The following PER3 variants were observed in gnomAD, a reference collection of about 807,000 sequenced individuals.
PER3 encodes period circadian protein homolog 3.
In PER3, 107 loss-of-function variants were observed where a neutral mutation model predicts 127.2. That is an observed-to-expected ratio of 0.84 (90% CI 0.72 to 0.99). The LOEUF (loss-of-function observed/expected upper bound fraction) is 0.99. PER3 is among the 50% of genes least tolerant of loss of function. The pLI is 0.00. For missense variants in PER3, 1,560 were observed against 1,525.8 expected (o/e 1.02, Z -0.37); for synonymous variants, 618 against 585.8 (o/e 1.05, Z -0.79).
At chr1:7,815,090 C>G (rs34556841) in intron 13 of PER3, among the ~76,000 whole-genome samples, 1 of 152,126 alleles carries the variant, frequency 6.6e-6, no homozygotes, top group Non-Finnish European at 1.5e-5. Flanking sequence ...GAGTTCGAGT[C>G]CAGCCTGGGC....
At chr1:7,833,538 A>G (rs1476138137) in intron 19 of PER3, among the ~76,000 whole-genome samples, 3 of 152,140 alleles carry the variant, frequency 2.0e-5, no homozygotes, top group Admixed American at 6.5e-5. Flanking sequence ...GCTTTGTCTG[A>G]TATCAGTGTA....
At chr1:7,828,607 T>C (rs951054880) in intron 18 of PER3, among the ~76,000 whole-genome samples, 1 of 152,220 alleles carries the variant, frequency 6.6e-6, no homozygotes, top group Non-Finnish European at 1.5e-5. Context: ...GTGTGCTTGC[T>C]GAAAATCTAA....
At chr1:7,821,376 A>G (rs1366104757) in intron 16 of PER3, among the ~76,000 whole-genome samples, 4 of 152,152 alleles carry the variant, frequency 2.6e-5, no homozygotes, top group African/African-American at 7.2e-5. Flanking sequence ...CTTTCCAACA[A>G]CCTGTGAGAT....
At chr1:7,799,610 CAAAA>C (rs759699006) in intron 7 of PER3, among the ~76,000 whole-genome samples, 7 of 93,238 alleles carry the variant, frequency 7.5e-5, no homozygotes, top group Middle Eastern at 5.0e-3. Flanking sequence ...AACTCTGTCT[CAAAA>C]AAAAAAAAAA....
Position 7,784,835 on chromosome 1 carries a change from CG to C in PER3, c.-40del. 7.1e-7 allele frequency: 1 copy of C among 1,413,866 alleles called. No individual in the cohort carries two copies. The highest frequency in any genetic ancestry group is 1.7e-5 in the South Asian group (1 of 58,972). The allele number at this position is 1,413,866 out of a possible 1,614,324, so 87.6% of individuals were successfully genotyped here. A position where few individuals can be genotyped will look rare whatever the true frequency, so the allele number is the denominator to read the frequency against. ...TGCAAAGTGAGCGAGAAGCAGGCTGCGGGCCGTCCCAGCACGACGTGGAGCC... is the reference window on the plus strand; with the variant it reads ...TGCAAAGTGAGCGAGAAGCAGGCTGCGGCCGTCCCAGCACGACGTGGAGCC... On this transcript the variant is annotated 5_prime_UTR_variant, in exon 2 of 22. Transcript: ENST00000377532.
chr1:7,811,880 G>A (rs1221765142), intron 13 of PER3, among the ~76,000 whole-genome samples: 5 of 152,108 alleles, frequency 3.3e-5, no homozygotes, highest in Admixed American at 6.5e-5. Context: ...ATAGGAAGTT[G>A]AGCATTCCAT....
intron 13 of PER3, among the ~76,000 whole-genome samples, chr1:7,816,116 AAAG>A (rs201322200): frequency 0.012 from 1,756 of 152,162 alleles, 31 homozygotes; most frequent in African/African-American, 0.04. Flanking sequence ...TATATGGAAA[AAAG>A]AAGAATGGTC....
chr1:7,820,906 G>A (rs917901491), intron 16 of PER3, among the ~76,000 whole-genome samples: 2 of 152,168 alleles, frequency 1.3e-5, no homozygotes, highest in African/African-American at 4.8e-5. Flanking sequence ...TAGTAGGTAG[G>A]TATTAGCCCT....
intron 13 of PER3, among the ~76,000 whole-genome samples, chr1:7,817,421 T>C (rs1354959329): frequency 6.6e-6 from 1 of 152,214 alleles, no homozygotes; most frequent in African/African-American, 2.4e-5. Context: ...TGGAAAACAG[T>C]GCTTCAACTG....
chr1:7,810,701 A>G (rs2097215591), intron 13 of PER3, 113 bp downstream of exon 13: 3 of 991,200 alleles, frequency 3.0e-6, no homozygotes, highest in Non-Finnish European at 2.9e-6. Flanking sequence ...GCTGCTTTTC[A>G]TATTTCTTGA....
chr1:7,829,703 T>G, intron 18 of PER3, 131 bp from the exon 19 acceptor site: 1 of 697,044 alleles, frequency 1.4e-6, no homozygotes, highest in Non-Finnish European at 2.4e-6. Flanking sequence ...GAATTTTCCA[T>G]TTACTATTTT....
chr1:7,797,647 A>AG (rs1553305239), intron 6 of PER3, among the ~76,000 whole-genome samples: 3 of 152,114 alleles, frequency 2.0e-5, no homozygotes, highest in East Asian at 3.9e-4. Flanking sequence ...AAAAAAAAAA[A>AG]AAAAAGAAAA....
intron 13 of PER3, among the ~76,000 whole-genome samples, chr1:7,811,274 C>T (rs2097217947): frequency 1.3e-5 from 2 of 152,162 alleles, no homozygotes; most frequent in Non-Finnish European, 2.9e-5. Context: ...TAACCTCTAT[C>T]ATTGTCAAAT....
intron 10 of PER3, among the ~76,000 whole-genome samples, chr1:7,806,624 C>T (rs1202316128): frequency 6.6e-6 from 1 of 151,114 alleles, no homozygotes; most frequent in Non-Finnish European, 1.5e-5. Context: ...CCCTTCTCTA[C>T]AAAAAATTTA....
In PER3 at chr1:7,810,523, C is replaced by T. The variant is rs374360462; in HGVS notation, c.1457C>T (p.Ser486Leu). ...TACATTGAGTCAATGACCAAATCAT[C>T]ATTCAAGCCAGTGACGGGGACACGC... Reference protein sequence around the residue: ...QLYIESMTKSSFKPVTGTRTE... With the variant: ...QLYIESMTKSLFKPVTGTRTE... Residue 486 changes from serine to leucine, a missense_variant, in exon 13 of 22, where the codon TCA becomes TTA. Ser to Leu is a moderately radical substitution (Grantham distance 145, BLOSUM62 -2). This residue lies in a region of PER3 where 1,332 missense variants were observed against 1,223.6 expected (regional missense o/e 1.09). Coordinates refer to ENST00000377532, the MANE Select transcript of PER3 (RefSeq NM_001377275.1). 6.6e-5 allele frequency: 106 copies of T among 1,613,644 alleles called. No individual in the cohort carries two copies. Among genetic ancestry groups the T allele is most frequent in the Non-Finnish European group, 9.0e-5 (106 of 1,179,966 alleles).
chr1:7,803,807 CCGGAAGATTTCTTT>C lies in PER3; in HGVS notation c.1097_1110del (p.Arg366HisfsTer6). 1 of 1,613,784 alleles carries C rather than the reference CCGGAAGATTTCTTT, an allele frequency of 6.2e-7. No homozygotes were observed. The highest frequency in any genetic ancestry group is 8.5e-7 in the Non-Finnish European group (1 of 1,179,792). Reference sequence around the variant, plus strand: ...GGTCCAGCTTTGTGAATCCCTGGAGCCGGAAGATTTCTTTCATCATTGGTCGGCATAAAGTTCGA... The same window carrying C: ...GGTCCAGCTTTGTGAATCCCTGGAGCCATCATTGGTCGGCATAAAGTTCGA... On this transcript the variant is annotated frameshift_variant, in exon 10 of 22. Transcript: ENST00000377532. LOFTEE classifies it high-confidence loss of function.
At position 7,786,790 on chromosome 1, in the gene PER3, T is replaced by C. The variant is rs1358346430; in HGVS notation, c.344T>C (p.Leu115Pro). 1.2e-5 allele frequency: 19 copies of C among 1,611,888 alleles called. No individual in the cohort carries two copies. The highest frequency in any genetic ancestry group is 1.5e-5 in the Non-Finnish European group (18 of 1,178,050). The change falls in exon 4 of 22, where the codon CTT becomes CCT. Residue 115 changes from leucine (L) to proline (P), a missense_variant. Around this residue, in one of 3 missense-constraint regions of PER3, gnomAD observed 1,332 missense variants for 1,223.6 expected, o/e 1.09. Coordinates refer to ENST00000377532, the MANE Select transcript of PER3 (RefSeq NM_001377275.1). Reference protein sequence around the residue: ...APQADVSMYSLEELATIASEH... With the variant: ...APQADVSMYSPEELATIASEH... ...CAGGCAGATGTGAGCATGTACAGTC[T>C]TGAGGAGCTGGCCACTATCGCTTCA...
At chr1:7,788,514 A>G (rs770518696) in intron 5 of PER3, 98 of 359,958 alleles carry the variant, frequency 2.7e-4, no homozygotes, top group Non-Finnish European at 1.3e-4. Context: ...ATAGTGGTTT[A>G]GTTGCTATGA....
chr1:7,806,795 TAAAA>T (rs71567316), intron 10 of PER3, among the ~76,000 whole-genome samples: 46 of 91,900 alleles, frequency 5.0e-4, no homozygotes, highest in Admixed American at 1.2e-3. Flanking sequence ...CCCTGTCTCT[TAAAA>T]AAAAAAAAAA....
Sources: allele counts gnomAD v4.1 joint callset (sites outside exome capture counted in the v4.1 genomes callset), GRCh38; gene constraint gnomAD v4.1.1; regional missense constraint gnomAD v4.1.1; transcripts MANE v1.5; gene names NCBI Gene and HGNC (gene_info 2026-07-23, HGNC 2026-07-21).